The following DENND4A variants were observed in gnomAD, a reference collection of about 807,000 sequenced individuals.
DENND4A encodes C-myc promoter-binding protein.
Under a neutral mutation model 199.3 loss-of-function variants are expected in DENND4A, and 70 were observed. The ratio of observed to expected loss-of-function variants is 0.35; its 90% CI spans 0.29 to 0.43. The LOEUF (loss-of-function observed/expected upper bound fraction) is 0.43. Ranked by LOEUF, DENND4A falls within the 20% of genes least tolerant of loss-of-function variation. The pLI, the probability that DENND4A is intolerant of heterozygous loss-of-function variation, is 1.00. For missense variants in DENND4A, 1,723 were observed against 2,255.8 expected (o/e 0.76, Z 4.78); for synonymous variants, 686 against 766.9 (o/e 0.89, Z 1.74).
chr15:65,693,958 A>T (rs2077056711), intron 22 of DENND4A, among the ~76,000 whole-genome samples: 1 of 152,132 alleles, frequency 6.6e-6, no homozygotes, highest in South Asian at 2.1e-4. Context: ...TTAGGCAGTA[A>T]CTGCAGCCAA....
chr15:65,771,985 T>G, intron 1 of DENND4A: 1 of 1,505,894 alleles, frequency 6.6e-7, no homozygotes, highest in East Asian at 2.3e-5. Flanking sequence ...AAGTACTTCA[T>G]AGTAATTTTT....
Position 65,752,586 on chromosome 15 carries a change from T to C in DENND4A, c.354A>G (p.Glu118=). The C allele has an allele frequency of 6.3e-7, 1 of 1,590,556 alleles. No individual in the cohort carries two copies. The highest frequency in any genetic ancestry group is 1.3e-5 in the African/African-American group (1 of 74,552). ...DWKERLKQGC[E]IIQSTPYGRP... ...GCCCATAGGGAGTACTCTGAATAAT[T>C]TCACAACCCTGTTTCAATCTTTCTT... Residue 118 remains glutamate, a synonymous_variant, in exon 4 of 33, where the codon GAA becomes GAG. Transcript: ENST00000443035.
chr15:65,698,948 G>C (rs981189050), intron 20 of DENND4A, among the ~76,000 whole-genome samples: 1 of 151,972 alleles, frequency 6.6e-6, no homozygotes, highest in Admixed American at 6.6e-5. Flanking sequence ...ATGTTGGCCA[G>C]GCTGGTCTTG....
chr15:65,740,783 A>C (rs892537353), intron 5 of DENND4A, among the ~76,000 whole-genome samples: 1 of 151,898 alleles, frequency 6.6e-6, no homozygotes, highest in Non-Finnish European at 1.5e-5. Flanking sequence ...CAACCTAAGA[A>C]AGACCCTGTC....
chr15:65,746,092 G>A (rs1372155717), intron 4 of DENND4A, among the ~76,000 whole-genome samples: 2 of 149,706 alleles, frequency 1.3e-5, no homozygotes, highest in Non-Finnish European at 3.0e-5. Flanking sequence ...GGTGTGCAGA[G>A]ATCATACCAT....
intron 2 of DENND4A, among the ~76,000 whole-genome samples, chr15:65,757,332 C>A (rs1157461167): frequency 6.6e-6 from 1 of 151,264 alleles, no homozygotes; most frequent in African/African-American, 2.4e-5. Context: ...ATCCTCCCAT[C>A]TCAGTCTACC....
At chr15:65,676,017 G>A (rs2076363311) in intron 24 of DENND4A, among the ~76,000 whole-genome samples, 1 of 151,358 alleles carries the variant, frequency 6.6e-6, no homozygotes, top group African/African-American at 2.4e-5. Context: ...AAAATGAATG[G>A]GGAACATTGC....
chr15:65,759,703 G>A (rs190634660), intron 2 of DENND4A, among the ~76,000 whole-genome samples: 12 of 152,062 alleles, frequency 7.9e-5, no homozygotes, highest in Non-Finnish European at 1.6e-4. Flanking sequence ...CCCTCAGCTC[G>A]TTGCATATAA....
At chr15:65,699,026 C>T (rs1339942353) in intron 20 of DENND4A, among the ~76,000 whole-genome samples, 2 of 152,102 alleles carry the variant, frequency 1.3e-5, no homozygotes, top group South Asian at 2.1e-4. Flanking sequence ...GTGTGAGCCA[C>T]TGCACCAGGC....
At chr15:65,742,234 T>C (rs1377397884) in intron 4 of DENND4A, among the ~76,000 whole-genome samples, 2 of 152,176 alleles carry the variant, frequency 1.3e-5, no homozygotes, top group African/African-American at 4.8e-5. Context: ...TTCTCCCAAA[T>C]TCATTTCCAA....
chr15:65,764,008 GT>G (rs558677214), intron 1 of DENND4A, among the ~76,000 whole-genome samples: 53 of 152,260 alleles, frequency 3.5e-4, no homozygotes, highest in African/African-American at 1.2e-3. Flanking sequence ...AATACTGTAT[GT>G]ATATAGAAAT....
Position 65,729,628 on chromosome 15 carries a change from A to G in DENND4A, c.1217T>C (p.Val406Ala). Residue 406 changes from valine (V) to alanine (A), a missense_variant, in exon 10 of 33, where the codon GTG (valine) becomes GCG (alanine). Transcript: ENST00000443035. ...LLQNLGPENA[V>A]TLLVFAVTEH... ...TGTTACTGCAAACACCAGTAGTGTCACAGCATTTTCAGGGCCTAAATTCTG... is the reference window on the plus strand; with the variant it reads ...TGTTACTGCAAACACCAGTAGTGTCGCAGCATTTTCAGGGCCTAAATTCTG... The G allele has an allele frequency of 1.3e-6, 2 of 1,572,910 alleles. No homozygotes were observed. Among genetic ancestry groups the G allele is most frequent in the Non-Finnish European group, 1.7e-6 (2 of 1,157,940 alleles).
rs372043519 is a variant in DENND4A at position 65,691,296 on chromosome 15, T to C, written c.3298A>G (p.Ile1100Val). The stretch of plus-strand genomic sequence containing the variant: ...GCATCAGCTCCCAATTTTTCAACTA[T>C]ATCTCCAGGGGTTGCTTCCTGGTTA... ...RINQEATPGD[I>V]VEKLGADAKI... The change falls in exon 23 of 33, where the codon ATA becomes GTA. Residue 1100 changes from isoleucine (I) to valine (V), a missense_variant. By Grantham distance (29) the Ile-to-Val change is conservative. Coordinates refer to ENST00000443035, the MANE Select transcript of DENND4A (RefSeq NM_001320835.1). 6 of 1,613,368 alleles carry C rather than the reference T, an allele frequency of 3.7e-6. No individual in the cohort carries two copies. Among genetic ancestry groups the C allele is most frequent in the South Asian group, 1.1e-5 (1 of 91,022 alleles).
chr15:65,677,912 T>C (rs997338707), intron 23 of DENND4A, among the ~76,000 whole-genome samples: 2 of 150,662 alleles, frequency 1.3e-5, no homozygotes, highest in Non-Finnish European at 3.0e-5. Flanking sequence ...TATTTTAGAG[T>C]GCAGCCTCTT....
In DENND4A at chr15:65,792,102, G is replaced by A. The variant is rs2077750817; in HGVS notation, c.-194C>T. On this transcript the variant is annotated 5_prime_UTR_variant, in exon 1 of 33. Transcript: ENST00000443035. Reference sequence around the variant, plus strand: ...GGTAGCGGAACACGAGGGGCTGAATGCCGCGGCGCTCTGAGCCCGCTTAGC... The same window carrying A: ...GGTAGCGGAACACGAGGGGCTGAATACCGCGGCGCTCTGAGCCCGCTTAGC... The A allele has an allele frequency of 6.5e-6, 1 of 152,682 alleles. No individual in the cohort carries two copies. Among genetic ancestry groups the A allele is most frequent in the Non-Finnish European group, 1.5e-5 (1 of 68,082 alleles). The allele number at this position is 152,682 out of a possible 1,614,324, so 9.5% of individuals were successfully genotyped here. A position where few individuals can be genotyped will look rare whatever the true frequency, so the allele number is the denominator to read the frequency against.
chr15:65,684,911 G>A (rs2076708454), intron 23 of DENND4A, among the ~76,000 whole-genome samples: 1 of 143,122 alleles, frequency 7.0e-6, no homozygotes, highest in Non-Finnish European at 1.5e-5. Context: ...CGCAATCTCC[G>A]CCTCCGGGCT....
chr15:65,663,114 C>T (rs1269406359), intron 32 of DENND4A, among the ~76,000 whole-genome samples: 1 of 150,866 alleles, frequency 6.6e-6, no homozygotes. Context: ...AATGACTATC[C>T]CAATGCCATT....
At position 65,660,527 on chromosome 15, in the gene DENND4A, A is replaced by G. The variant is rs1041886182; in HGVS notation, c.*1324T>C. The G allele has an allele frequency of 1.7e-5, 7 of 408,896 alleles. No homozygotes were observed. The highest frequency in any genetic ancestry group is 4.4e-4 in the Middle Eastern group (1 of 2,274). The allele number at this position is 408,896 out of a possible 1,614,324, so 25.3% of individuals were successfully genotyped here. On this transcript the variant is annotated 3_prime_UTR_variant, in exon 33 of 33. Transcript: ENST00000443035. Reference sequence around the variant, plus strand: ...AAACACACACACATATTGAAAATCTATAACTAATTCTAGCAGCCAAAAGAT... The same window carrying G: ...AAACACACACACATATTGAAAATCTGTAACTAATTCTAGCAGCCAAAAGAT...
At chr15:65,742,026 CTT>C (rs2076273599) in intron 4 of DENND4A, among the ~76,000 whole-genome samples, 1 of 152,188 alleles carries the variant, frequency 6.6e-6, no homozygotes, top group African/African-American at 2.4e-5. Context: ...AAACTTGACT[CTT>C]TTAAACAAAG....
Sources: allele counts gnomAD v4.1 joint callset (sites outside exome capture counted in the v4.1 genomes callset), GRCh38; gene constraint gnomAD v4.1.1; transcripts MANE v1.5; gene names NCBI Gene and HGNC (gene_info 2026-07-23, HGNC 2026-07-21).